The following ARL5B variants were observed in gnomAD, a reference collection of about 807,000 sequenced individuals.
ARL5B encodes the protein ARF like GTPase 5B.
Under a neutral mutation model 26.9 loss-of-function variants are expected in ARL5B, and 10 were observed. The observed-to-expected ratio is 0.37, with a 90% CI of 0.23 to 0.63. The LOEUF is 0.63. ARL5B is among the 30% of genes least tolerant of loss of function. The pLI is 0.62. For synonymous variants in ARL5B, 87 were observed against 70.4 expected (o/e 1.24, Z -1.18); for missense variants, 167 against 213.9 (o/e 0.78, Z 1.37).
intron 3 of ARL5B, among the ~76,000 whole-genome samples, chr10:18,671,559 C>A (rs1329599122): frequency 6.6e-6 from 1 of 151,866 alleles, no homozygotes; most frequent in Non-Finnish European, 1.5e-5. Context: ...GTAATAACAT[C>A]ATTTCATCTC....
chr10:18,659,477 C>T lies in ARL5B; in HGVS notation c.-161C>T. On this transcript the variant is annotated 5_prime_UTR_variant, in exon 1 of 6. Transcript: ENST00000377275. ...TGTCCGGTGGGGATTCGTCGCGGCGCCTTCTGAGTGGTCGGGTCGAGGCTT... is the reference window on the plus strand; with the variant it reads ...TGTCCGGTGGGGATTCGTCGCGGCGTCTTCTGAGTGGTCGGGTCGAGGCTT... 1.1e-6 allele frequency: 1 copy of T among 897,666 alleles called. No individual in the cohort carries two copies. The highest frequency in any genetic ancestry group is 1.6e-6 in the Non-Finnish European group (1 of 626,832). The allele number at this position is 897,666 out of a possible 1,614,324, so 55.6% of individuals were successfully genotyped here.
chr10:18,666,839 T>G (rs1320712101), intron 2 of ARL5B, among the ~76,000 whole-genome samples: 1 of 152,220 alleles, frequency 6.6e-6, no homozygotes, highest in Non-Finnish European at 1.5e-5. Context: ...CTTATTGTTT[T>G]CTGCCCTCGA....
At position 18,659,637 on chromosome 10, in the gene ARL5B, G is replaced by T; in HGVS notation, c.-1G>T. ...CCCCGCGGCCCGCCCCGGTGCTCGTGATGGGGCTGATCTTCGCCAAACTGT... is the reference window on the plus strand; with the variant it reads ...CCCCGCGGCCCGCCCCGGTGCTCGTTATGGGGCTGATCTTCGCCAAACTGT... On this transcript the variant is annotated 5_prime_UTR_variant, in exon 1 of 6. Transcript: ENST00000377275. 1 of 1,612,146 alleles carries T rather than the reference G, an allele frequency of 6.2e-7. No homozygotes were observed. The highest frequency in any genetic ancestry group is 2.2e-5 in the East Asian group (1 of 44,680).
rs576707530 is a variant in ARL5B at position 18,677,310 on chromosome 10, A to G, written c.*2094A>G. 5.3e-5 allele frequency: 8 copies of G among 152,254 alleles called. No homozygotes were observed. The highest frequency in any genetic ancestry group is 1.0e-4 in the Non-Finnish European group (7 of 67,830). 9.4% of individuals were successfully genotyped at this position (152,254 alleles called of 1,614,324 possible). On this transcript the variant is annotated 3_prime_UTR_variant, in exon 6 of 6. Coordinates refer to ENST00000377275, the MANE Select transcript of ARL5B (RefSeq NM_178815.5). The stretch of plus-strand genomic sequence containing the variant: ...GCATTATATTAAAAGTGTTTTTAAT[A>G]GTTGATTGTATTTTGCCAACTACTA...
At chr10:18,675,110 C>A in intron 5 of ARL5B, 58 bp from the exon 6 acceptor site, 1 of 1,509,284 alleles carries the variant, frequency 6.6e-7, no homozygotes, top group Non-Finnish European at 9.2e-7. Flanking sequence ...ATAATAAGTA[C>A]GCTTTCAGTT....
In ARL5B at chr10:18,659,635, G is replaced by C; in HGVS notation, c.-3G>C. The C allele has an allele frequency of 6.2e-7, 1 of 1,609,954 alleles. No homozygotes were observed. The highest frequency in any genetic ancestry group is 8.5e-7 in the Non-Finnish European group (1 of 1,178,354). ...GACCCCGCGGCCCGCCCCGGTGCTC[G>C]TGATGGGGCTGATCTTCGCCAAACT... On this transcript the variant is annotated 5_prime_UTR_variant, in exon 1 of 6. Transcript: ENST00000377275.
At chr10:18,663,480 C>G (rs901513142) in intron 1 of ARL5B, among the ~76,000 whole-genome samples, 5 of 150,736 alleles carry the variant, frequency 3.3e-5, no homozygotes, top group Non-Finnish European at 5.9e-5. Context: ...GATTATTGTC[C>G]TTTACTTCTG....
intron 4 of ARL5B, among the ~76,000 whole-genome samples, chr10:18,673,393 A>G (rs1213312095): frequency 1.3e-5 from 2 of 152,024 alleles, no homozygotes; most frequent in African/African-American, 2.4e-5. Context: ...ATACTATATA[A>G]TATATATCTT....
Position 18,674,067 on chromosome 10 carries a change from C to T in ARL5B, c.423C>T (p.Tyr141=). ...GCMTAAEISK[Y]LTLSSIKDHP... ...TGACAGCAGCTGAAATCTCGAAATA[C>T]CTCACCCTTAGTTCAATTAAGGATC... Residue 141 remains tyrosine (Y), a synonymous_variant, in exon 5 of 6, where the codon TAC becomes TAT. Transcript: ENST00000377275. 1 of 1,612,984 alleles carries T rather than the reference C, an allele frequency of 6.2e-7. No individual in the cohort carries two copies. The highest frequency in any genetic ancestry group is 8.5e-7 in the Non-Finnish European group (1 of 1,179,438).
chr10:18,667,247 A>G (rs962685950), intron 2 of ARL5B, among the ~76,000 whole-genome samples: 1 of 152,206 alleles, frequency 6.6e-6, no homozygotes, highest in Admixed American at 6.5e-5. Flanking sequence ...AAATAGTTCT[A>G]CAGTTCTTTG....
Position 18,680,776 on chromosome 10 carries a change from A to T in ARL5B, c.*5560A>T, listed in dbSNP as rs1342910402. On this transcript the variant is annotated 3_prime_UTR_variant, in exon 6 of 6. Coordinates refer to ENST00000377275, the MANE Select transcript of ARL5B (RefSeq NM_178815.5). ...TTTACCATGTTCATCTATTCCACAG[A>T]GCATGTTAAAAACAACAACAACAAA... is the stretch of plus-strand genomic sequence containing the variant. 6.6e-6 allele frequency: 1 copy of T among 152,182 alleles called. No homozygotes were observed. The highest frequency in any genetic ancestry group is 1.5e-5 in the Non-Finnish European group (1 of 68,002). The allele number at this position is 152,182 out of a possible 1,614,324, so 9.4% of individuals were successfully genotyped here.
chr10:18,665,767 G>A (rs1430728113), intron 1 of ARL5B, among the ~76,000 whole-genome samples: 1 of 152,202 alleles, frequency 6.6e-6, no homozygotes, highest in East Asian at 1.9e-4. Context: ...TTGGAGAAGG[G>A]GATCTTTAGT....
At chr10:18,666,219 G>T (rs2059860537) in intron 1 of ARL5B, among the ~76,000 whole-genome samples, 2 of 152,314 alleles carry the variant, frequency 1.3e-5, no homozygotes, top group Admixed American at 1.3e-4. Flanking sequence ...CTAAAAAGGT[G>T]TGTAAAACAG....
Position 18,659,656 on chromosome 10 carries a change from A to G in ARL5B, c.19A>G (p.Lys7Glu), listed in dbSNP as rs1461209072. Reference protein sequence around the residue: MGLIFAKLWSLFCNQEH... With the variant: MGLIFAELWSLFCNQEH... Reference sequence around the variant, plus strand: ...GCTCGTGATGGGGCTGATCTTCGCCAAACTGTGGAGCCTCTTCTGTAACCA... The same window carrying G: ...GCTCGTGATGGGGCTGATCTTCGCCGAACTGTGGAGCCTCTTCTGTAACCA... Residue 7 changes from lysine (K) to glutamate (E), a missense_variant, in exon 1 of 6, where the codon AAA becomes GAA. Coordinates refer to ENST00000377275, the MANE Select transcript of ARL5B (RefSeq NM_178815.5). 6.2e-7 allele frequency: 1 copy of G among 1,613,358 alleles called. No homozygotes were observed. The highest frequency in any genetic ancestry group is 8.5e-7 in the Non-Finnish European group (1 of 1,179,736).
intron 3 of ARL5B, among the ~76,000 whole-genome samples, chr10:18,671,022 G>T (rs529487959): frequency 6.6e-6 from 1 of 152,022 alleles, no homozygotes; most frequent in Admixed American, 6.5e-5. Flanking sequence ...GAAGTTACAG[G>T]TATTAAGTAA....
At chr10:18,663,949 TTTTTGTTTTG>T (rs141851017) in intron 1 of ARL5B, among the ~76,000 whole-genome samples, 8 of 151,372 alleles carry the variant, frequency 5.3e-5, no homozygotes, top group South Asian at 4.2e-4. Flanking sequence ...CCATTCTTTG[TTTTTGTTTTG>T]TTTTGTTTTG....
chr10:18,671,188 T>C (rs1169561929), intron 3 of ARL5B, among the ~76,000 whole-genome samples: 1 of 152,146 alleles, frequency 6.6e-6, no homozygotes, highest in Non-Finnish European at 1.5e-5. Flanking sequence ...TTTATTTTTG[T>C]TTTTTATTTA....
chr10:18,674,218 C>T lies in ARL5B; in HGVS notation c.491+83C>T, dbSNP rs2059900652. ...AGGCCAACTTGTTTTCTTCATGGGT[C>T]CTGTTCCTTTTCTGTTTGTTTGTTC... On this transcript the variant is annotated intron_variant, in intron 5 of 5. Transcript: ENST00000377275. 3 of 1,299,204 alleles carry T rather than the reference C, an allele frequency of 2.3e-6. No individual in the cohort carries two copies. The Admixed American group carries it at 7.8e-5, about 34-fold the overall frequency. 80.5% of individuals were successfully genotyped at this position (1,299,204 alleles called of 1,614,324 possible).
At chr10:18,669,837 CA>C (rs2059878653) in intron 3 of ARL5B, among the ~76,000 whole-genome samples, 1 of 151,748 alleles carries the variant, frequency 6.6e-6, no homozygotes, top group South Asian at 2.1e-4. Context: ...ACTAAAAATA[CA>C]AAAAACTAGC....
Sources: gnomAD v4.1 joint callset for allele counts (sites outside exome capture counted in the v4.1 genomes callset) on GRCh38, gnomAD v4.1.1 for gene constraint, MANE v1.5 for transcripts, NCBI Gene and HGNC (gene_info 2026-07-23, HGNC 2026-07-21) for gene names.